Variants in VEGFC observed in about 807,000 individuals in gnomAD.
VEGFC encodes the protein FLT4 ligand DHM.
Under a neutral mutation model 46.1 loss-of-function variants are expected in VEGFC, and 12 were observed. The ratio of observed to expected loss-of-function variants is 0.26; its 90% CI spans 0.17 to 0.42. VEGFC has a LOEUF of 0.42. Ranked by LOEUF, VEGFC falls within the 10% of genes least tolerant of loss-of-function variation. VEGFC has a pLI of 1.00. For synonymous variants in VEGFC, 232 were observed against 195.5 expected (o/e 1.19, Z -1.56); for missense variants, 488 against 529.4 (o/e 0.92, Z 0.77).
chr4:176,746,677 A>C (rs547751717), intron 1 of VEGFC, among the ~76,000 whole-genome samples: 1 of 152,262 alleles, frequency 6.6e-6, no homozygotes, highest in Non-Finnish European at 1.5e-5. Flanking sequence ...ACCAAATGCT[A>C]AACAGCCTTT....
chr4:176,784,242 T>C (rs1429259837), intron 1 of VEGFC, among the ~76,000 whole-genome samples: 1 of 151,822 alleles, frequency 6.6e-6, no homozygotes, highest in Non-Finnish European at 1.5e-5. Flanking sequence ...TTAATTTTTC[T>C]ATTTTTTGTA....
At chr4:176,693,601 C>A in intron 4 of VEGFC, among the ~76,000 whole-genome samples, 1 of 146,086 alleles carries the variant, frequency 6.8e-6, no homozygotes. Flanking sequence ...GGCAGGCCAA[C>A]GTTCAGATTC....
At chr4:176,708,529 G>A (rs1734573819) in intron 4 of VEGFC, among the ~76,000 whole-genome samples, 2 of 152,020 alleles carry the variant, frequency 1.3e-5, no homozygotes, top group African/African-American at 4.8e-5. Flanking sequence ...AAGGATCCTT[G>A]GGGTTGTGAT....
At chr4:176,739,955 ATATATT>A (rs1735128134) in intron 1 of VEGFC, among the ~76,000 whole-genome samples, 2 of 22,742 alleles carry the variant, frequency 8.8e-5, no homozygotes, top group Non-Finnish European at 4.2e-4. Context: ...ATATATAACT[ATATATT>A]CGATATATCG....
In VEGFC at chr4:176,729,711, C is replaced by A; in HGVS notation, c.183G>T (p.Arg61=). ...YASKDLEEQL[R]SVSSVDELMT... ...TGAGTTCATCTACACTGGACACAGA[C>A]CGTAACTGCTCCTCCAGATCTTTGC... is the stretch of plus-strand genomic sequence containing the variant. Residue 61 remains arginine, a synonymous_variant, in exon 2 of 7, where the codon CGG becomes CGT. Coordinates refer to ENST00000618562, the MANE Select transcript of VEGFC (RefSeq NM_005429.5). The A allele has an allele frequency of 6.2e-7, 1 of 1,607,988 alleles. No homozygotes were observed. Among genetic ancestry groups the A allele is most frequent in the East Asian group, 2.2e-5 (1 of 44,720 alleles).
chr4:176,740,532 C>CTATATATTCTA (rs1735154576), intron 1 of VEGFC, among the ~76,000 whole-genome samples: 1 of 137,814 alleles, frequency 7.3e-6, no homozygotes, highest in African/African-American at 2.8e-5. Context: ...GTATATATAA[C>CTATATATTCTA]TATATATAGA....
chr4:176,792,528 G>T lies in VEGFC; in HGVS notation c.-217C>A, dbSNP rs1343571038. 1 of 402,228 alleles carries T rather than the reference G, an allele frequency of 2.5e-6. No homozygotes were observed. Among genetic ancestry groups the T allele is most frequent in the Non-Finnish European group, 4.4e-6 (1 of 229,404 alleles). 24.9% of individuals were successfully genotyped at this position (402,228 alleles called of 1,614,324 possible). ...CCAGCCAGTGCCGGGGAAAGGCGGC[G>T]GGTGTCAGGTAAAAGCCTCACAGGA... On this transcript the variant is annotated 5_prime_UTR_variant, in exon 1 of 7. Coordinates refer to ENST00000618562, the MANE Select transcript of VEGFC (RefSeq NM_005429.5). The surrounding 1 kb of genome is among the most constrained non-coding windows in gnomAD (Gnocchi z 6.3).
intron 3 of VEGFC, among the ~76,000 whole-genome samples, chr4:176,713,368 A>G (rs1564922): frequency 0.7 from 106,919 of 152,050 alleles, 43,513 homozygotes; most frequent in East Asian, 0.94. Flanking sequence ...GTGTCTTCAT[A>G]AGCTACAATT....
chr4:176,765,964 C>G (rs542913911), intron 1 of VEGFC, among the ~76,000 whole-genome samples: 2 of 151,830 alleles, frequency 1.3e-5, no homozygotes, highest in East Asian at 1.9e-4. Context: ...GGAAAAAAAT[C>G]TTTAGAATAT....
intron 4 of VEGFC, among the ~76,000 whole-genome samples, chr4:176,708,052 T>C (rs1315030589): frequency 6.6e-6 from 1 of 151,918 alleles, no homozygotes; most frequent in African/African-American, 2.4e-5. Flanking sequence ...AATTAATATT[T>C]ATCATCTATA....
intron 1 of VEGFC, among the ~76,000 whole-genome samples, chr4:176,770,422 A>G (rs756855967): frequency 3.3e-5 from 5 of 151,942 alleles, no homozygotes; most frequent in Non-Finnish European, 7.3e-5. Context: ...GTTTTTGTGG[A>G]AACAGTTTAA....
At chr4:176,758,491 A>C (rs1735471440) in intron 1 of VEGFC, among the ~76,000 whole-genome samples, 1 of 152,102 alleles carries the variant, frequency 6.6e-6, no homozygotes, top group South Asian at 2.1e-4. Flanking sequence ...TAATCTTGGC[A>C]GCTGGTGCTA....
chr4:176,761,702 C>T (rs1284454547), intron 1 of VEGFC, among the ~76,000 whole-genome samples: 1 of 152,196 alleles, frequency 6.6e-6, no homozygotes, highest in African/African-American at 2.4e-5. Flanking sequence ...CTACATTATA[C>T]ATGTGCCTAT....
intron 1 of VEGFC, among the ~76,000 whole-genome samples, chr4:176,754,230 G>GT (rs750980548): frequency 0.014 from 1,909 of 137,772 alleles, 71 homozygotes; most frequent in Admixed American, 0.087. Context: ...GTCTTAACTT[G>GT]TTTTTTTTTT....
At chr4:176,706,400 G>T (rs1015933234) in intron 4 of VEGFC, among the ~76,000 whole-genome samples, 16 of 151,984 alleles carry the variant, frequency 1.1e-4, no homozygotes, top group African/African-American at 3.9e-4. Flanking sequence ...AGGCCGAGGC[G>T]GGTAGATCAC....
chr4:176,790,452 C>T (rs1355256358), intron 1 of VEGFC, among the ~76,000 whole-genome samples: 1 of 152,066 alleles, frequency 6.6e-6, no homozygotes, highest in Non-Finnish European at 1.5e-5. Flanking sequence ...TTTTACATCA[C>T]CAACGAAGAC....
At chr4:176,707,397 T>C (rs1263529306) in intron 4 of VEGFC, among the ~76,000 whole-genome samples, 1 of 152,188 alleles carries the variant, frequency 6.6e-6, no homozygotes, top group Non-Finnish European at 1.5e-5. Flanking sequence ...ATGTTAGAAT[T>C]TTATAACATA....
chr4:176,768,065 CACTG>C (rs1735660506), intron 1 of VEGFC, among the ~76,000 whole-genome samples: 1 of 152,078 alleles, frequency 6.6e-6, no homozygotes, highest in Non-Finnish European at 1.5e-5. Context: ...AATTTGTTGC[CACTG>C]ACTGAGTTAG....
chr4:176,710,596 A>T (rs1727736911), intron 4 of VEGFC, among the ~76,000 whole-genome samples: 1 of 152,168 alleles, frequency 6.6e-6, no homozygotes, highest in Non-Finnish European at 1.5e-5. Context: ...TTAAAAATGT[A>T]AGGTTTTCTT....
Sources: allele counts gnomAD v4.1 joint callset (sites outside exome capture counted in the v4.1 genomes callset), GRCh38; gene constraint gnomAD v4.1.1; non-coding constraint Gnocchi (gnomAD v3.1); transcripts MANE v1.5; gene names NCBI Gene and HGNC (gene_info 2026-07-23, HGNC 2026-07-21).